PKD1: variants seen among roughly 807,000 people sequenced by gnomAD.
The protein encoded by PKD1 is polycystin 1, transient receptor potential channel interacting.
A neutral mutation model predicts 361.7 loss-of-function variants in PKD1; 81 were observed. The observed-to-expected ratio is 0.22, with a 90% confidence interval of 0.19 to 0.27. The LOEUF is 0.27. PKD1 is among the 10% of genes least tolerant of loss of function. The pLI, the probability that PKD1 is intolerant of heterozygous loss-of-function variation, is 1.00. For missense variants in PKD1, 6,399 were observed against 6,118.3 expected (o/e 1.05, Z -1.53); for synonymous variants, 3,615 against 2,818.3 (o/e 1.28, Z -8.95).
In PKD1 at chr16:2,100,906, C is replaced by T. The variant is rs1476235721; in HGVS notation, c.9398-340G>A. The T allele has an allele frequency of 1.4e-5, 6 of 433,708 alleles. No homozygotes were observed. Among genetic ancestry groups the T allele is most frequent in the East Asian group, 4.8e-5 (1 of 21,030 alleles). 26.9% of individuals were successfully genotyped at this position (433,708 alleles called of 1,614,324 possible). On this transcript the variant is annotated intron_variant, in intron 26 of 45. Transcript: ENST00000262304. This position sits in a 1 kb window ranked among gnomAD's most constrained non-coding sequence, Gnocchi z 4.4. Reference sequence around the variant, plus strand: ...CAACCGGTGACCCGCACCACACACCCGTCCCTCAGTTCATGCACAGACTGC... The same window carrying T: ...CAACCGGTGACCCGCACCACACACCTGTCCCTCAGTTCATGCACAGACTGC...
chr16:2,102,584 G>C lies in PKD1; in HGVS notation c.8998C>G (p.Arg3000Gly). The C allele has an allele frequency of 2.5e-6, 4 of 1,611,152 alleles. No individual in the cohort carries two copies. Among genetic ancestry groups the C allele is most frequent in the Non-Finnish European group, 3.4e-6 (4 of 1,179,744 alleles). The change falls in exon 25 of 46, where the codon CGC becomes GGC. Residue 3000 changes from arginine (R) to glycine (G), a missense_variant. Physicochemically the swap from Arg to Gly is moderately radical, Grantham distance 125. Transcript: ENST00000262304. ...SYHLNLSSHFRWSALQVSVGL... is the reference protein window; with the variant it reads ...SYHLNLSSHFGWSALQVSVGL... Reference sequence around the variant, plus strand: ...ACGGACACCTGCAGCGCCGACCAGCGGAAGTGGCTGGAGAGGTTCAGATGG... The same window carrying C: ...ACGGACACCTGCAGCGCCGACCAGCCGAAGTGGCTGGAGAGGTTCAGATGG...
At chr16:2,091,262 A>AGGGGGCGGGACCCTG (rs1567150965) in intron 42 of PKD1, 88 bp from the exon 43 acceptor site, 1 of 127,368 alleles carries the variant, frequency 7.9e-6, no homozygotes, top group Non-Finnish European at 1.2e-5. Context: ...GCGGGGCCCT[A>AGGGGGCGGGACCCTG]CGAGGGGGCG....
rs1416755393 is a variant in PKD1, at chr16:2,104,378, G to C, written c.8161+120C>G. 5 of 587,066 alleles carry C rather than the reference G, an allele frequency of 8.5e-6. No individual in the cohort carries two copies. In the Admixed American group the frequency reaches 9.5e-5, roughly 11 times the overall value. 36.4% of individuals were successfully genotyped at this position (587,066 alleles called of 1,614,324 possible). A position where few individuals can be genotyped will look rare whatever the true frequency, so the allele number is the denominator to read the frequency against. Reference sequence around the variant, plus strand: ...GGGAGGGGGATGAGGATGGGAATTGGGGGGAGGGGAGGGGGACGAAGATGG... The same window carrying C: ...GGGAGGGGGATGAGGATGGGAATTGCGGGGAGGGGAGGGGGACGAAGATGG... On this transcript the variant is annotated intron_variant, in intron 22 of 45. Transcript: ENST00000262304.
In PKD1 at chr16:2,091,154, G is replaced by C. The variant is rs777664270; in HGVS notation, c.11733C>G (p.Ala3911=). The C allele has an allele frequency of 6.8e-6, 10 of 1,473,918 alleles. 1 individual carries two copies. The South Asian group carries it at 9.0e-5, about 13-fold the overall frequency. The allele number at this position is 1,473,918 out of a possible 1,614,324, so 91.3% of individuals were successfully genotyped here. ...GGGCCTCGGCCACGGCGAAGTGCAC[G>C]GCGAACAGCAGCAGGCACACCTGTG... The part of the protein sequence containing the change: ...LLTSVCLLLF[A]VHFAVAEART... Residue 3911 remains alanine, a synonymous_variant, in exon 43 of 46, where the codon GCC becomes GCG. Transcript: ENST00000262304.
chr16:2,102,576 C>T lies in PKD1; in HGVS notation c.9006G>A (p.Ser3002=), dbSNP rs367709319. The T allele has an allele frequency of 1.4e-4, 223 of 1,611,118 alleles. 2 individuals are homozygous for T. The South Asian group carries it at 2.3e-3, about 16-fold the overall frequency. The change falls in exon 25 of 46, where the codon TCG becomes TCA. Residue 3002 remains serine (S), a synonymous_variant. Coordinates refer to ENST00000262304, the MANE Select transcript of PKD1 (RefSeq NM_001009944.3). ...HLNLSSHFRW[S]ALQVSVGLYT... is the part of the protein sequence containing the mutation. ...ACAGGCCCACGGACACCTGCAGCGCCGACCAGCGGAAGTGGCTGGAGAGGT... is the reference window on the plus strand; with the variant it reads ...ACAGGCCCACGGACACCTGCAGCGCTGACCAGCGGAAGTGGCTGGAGAGGT...
In PKD1 at chr16:2,092,036, G is replaced by T; in HGVS notation, c.11411+11C>A. The T allele has an allele frequency of 3.1e-6, 5 of 1,612,694 alleles. No individual in the cohort carries two copies. The highest frequency in any genetic ancestry group is 4.2e-6 in the Non-Finnish European group (5 of 1,179,936). ...CTTGGCGTAGACGCCCGGGGCCCTC[G>T]CTCTGCTCACCCCAGCAGATCCGGC... On this transcript the variant is annotated intron_variant, in intron 40 of 45. Coordinates refer to ENST00000262304, the MANE Select transcript of PKD1 (RefSeq NM_001009944.3).
At chr16:2,099,355 C>T (rs2091989434) in intron 30 of PKD1, 5 of 455,210 alleles carry the variant, frequency 1.1e-5, no homozygotes, top group South Asian at 8.0e-5. Flanking sequence ...CGGAAGCGTG[C>T]ACAGCCGCGT....
chr16:2,125,219 G>A (rs2092780563), intron 1 of PKD1, among the ~76,000 whole-genome samples: 1 of 152,214 alleles, frequency 6.6e-6, no homozygotes, highest in African/African-American at 2.4e-5. Flanking sequence ...AAAAAAAACA[G>A]TGCAGCCCCG....
chr16:2,124,111 C>T (rs922743324), intron 1 of PKD1, among the ~76,000 whole-genome samples: 3 of 152,200 alleles, frequency 2.0e-5, no homozygotes, highest in African/African-American at 7.2e-5. Context: ...CTTCCCAGCA[C>T]CCTTGCCAAT....
chr16:2,124,795 T>C (rs1181320395), intron 1 of PKD1, among the ~76,000 whole-genome samples: 1 of 152,154 alleles, frequency 6.6e-6, no homozygotes, highest in Admixed American at 6.5e-5. Flanking sequence ...GAAACTGGGC[T>C]GGGGGGACCG....
At chr16:2,128,997 G>A (rs952946875) in intron 1 of PKD1, among the ~76,000 whole-genome samples, 3 of 151,886 alleles carry the variant, frequency 2.0e-5, no homozygotes, top group Admixed American at 2.0e-4. Context: ...CTAATTAGCT[G>A]GGATTACAGG....
chr16:2,096,234 G>A (rs1338083349), intron 34 of PKD1, among the ~76,000 whole-genome samples: 1 of 152,244 alleles, frequency 6.6e-6, no homozygotes, highest in Non-Finnish European at 1.5e-5. Context: ...CCCTGTGCAT[G>A]CAGGCCCTGT....
At chr16:2,091,995 G>C in intron 40 of PKD1, 52 bp downstream of exon 40, 11 of 1,612,460 alleles carry the variant, frequency 6.8e-6, no homozygotes, top group Middle Eastern at 1.6e-4. Context: ...CACTCCTGGA[G>C]AACTACTCCC....
chr16:2,091,955 C>G (rs756149323), intron 40 of PKD1, 49 bp from the exon 41 acceptor site: 3 of 1,611,818 alleles, frequency 1.9e-6, no homozygotes, highest in Admixed American at 1.7e-5. Context: ...CTTCCGGCAC[C>G]CCGGAGCCAG....
rs765531129 is a variant in PKD1, at chr16:2,102,409, G to A, written c.9173C>T (p.Pro3058Leu). The A allele has an allele frequency of 9.0e-6, 14 of 1,556,374 alleles. No individual in the cohort carries two copies. Among genetic ancestry groups the A allele is most frequent in the Admixed American group, 1.9e-5 (1 of 51,482 alleles). Residue 3058 changes from proline to leucine, a missense_variant, in exon 25 of 46, where the codon CCC becomes CTC. Pro to Leu is a moderately conservative substitution (Grantham distance 98). Coordinates refer to ENST00000262304, the MANE Select transcript of PKD1 (RefSeq NM_001009944.3). Reference sequence around the variant, plus strand: ...AAACACAAAGCGGACATGGCTTGGGGGCACGAAGAGGCTGGCGCCGAAGGC... The same window carrying A: ...AAACACAAAGCGGACATGGCTTGGGAGCACGAAGAGGCTGGCGCCGAAGGC... ...LTAFGASLFV[P>L]PSHVRFVFPE...
chr16:2,097,894 G>C lies in PKD1; in HGVS notation c.10141C>G (p.Leu3381Val). The stretch of plus-strand genomic sequence containing the variant: ...TCAGCGTGGAGGCCTGAGAACGTGA[G>C]GAAGGAGCTGTCCAGCACGGACGAG... The part of the protein sequence containing the change: ...LDSSVLDSSF[L>V]TFSGLHAEQA... Residue 3381 changes from leucine (L) to valine (V), a missense_variant, in exon 31 of 46, where the codon CTC becomes GTC. By Grantham distance (32) the Leu-to-Val change is conservative. Transcript: ENST00000262304. 1.9e-6 allele frequency: 3 copies of C among 1,604,650 alleles called. No individual in the cohort carries two copies. The highest frequency in any genetic ancestry group is 1.1e-5 in the South Asian group (1 of 90,852).
At chr16:2,108,139 G>C (rs985136319) in intron 15 of PKD1, 107 bp from the exon 16 acceptor site, 2 of 1,472,112 alleles carry the variant, frequency 1.4e-6, no homozygotes, top group Non-Finnish European at 1.9e-6. Context: ...ATGCTGGGAC[G>C]GGGCCCACCA....
Position 2,103,542 on chromosome 16 carries a change from T to C in PKD1, c.8515A>G (p.Ile2839Val), listed in dbSNP as rs757479584. 1.9e-6 allele frequency: 3 copies of C among 1,608,912 alleles called. No individual in the cohort carries two copies. The highest frequency in any genetic ancestry group is 2.2e-5 in the East Asian group (1 of 44,830). Reference protein sequence around the residue: ...VDSNPFPFGYISNYTVSTKVA... With the variant: ...VDSNPFPFGYVSNYTVSTKVA... ...TTGGTGGAGACGGTGTAGTTGCTGA[T>C]ATAGCCAAAGGGAAAGGGATTGGAG... Residue 2839 changes from isoleucine to valine, a missense_variant, in exon 23 of 46, where the codon ATC becomes GTC. Coordinates refer to ENST00000262304, the MANE Select transcript of PKD1 (RefSeq NM_001009944.3).
intron 11 of PKD1, 129 bp downstream of exon 11, chr16:2,114,041 G>A: frequency 9.8e-6 from 8 of 812,418 alleles, no homozygotes; most frequent in South Asian, 1.7e-5. Flanking sequence ...AGCAGGACCT[G>A]CCCGGGGCCG....
Sources: allele counts gnomAD v4.1 joint callset (sites outside exome capture counted in the v4.1 genomes callset), GRCh38; gene constraint gnomAD v4.1.1; non-coding constraint Gnocchi (gnomAD v3.1); transcripts MANE v1.5; gene names NCBI Gene and HGNC (gene_info 2026-07-23, HGNC 2026-07-21).